TRAPPC9: variants seen among roughly 807,000 people sequenced by gnomAD.
TRAPPC9 encodes IKK2 binding protein.
A neutral mutation model predicts 124.0 loss-of-function variants in TRAPPC9; 83 were observed. That is an observed-to-expected ratio of 0.67 (90% CI 0.56 to 0.80). The LOEUF is 0.80. Among genes scored for constraint, TRAPPC9 ranks in the 30% least tolerant of loss-of-function variants. TRAPPC9 has a pLI of 0.00. For missense variants in TRAPPC9, 1,302 were observed against 1,508.3 expected (o/e 0.86, Z 2.27); for synonymous variants, 638 against 617.5 (o/e 1.03, Z -0.49).
intron 20 of TRAPPC9, among the ~76,000 whole-genome samples, chr8:139,903,505 A>C (rs1831148340): frequency 6.6e-6 from 1 of 152,132 alleles, no homozygotes; most frequent in South Asian, 2.1e-4. Flanking sequence ...GGTGATTTGC[A>C]ACAAAAACAA....
intron 17 of TRAPPC9, among the ~76,000 whole-genome samples, chr8:140,167,763 A>G (rs1422670991): frequency 6.6e-6 from 1 of 152,236 alleles, no homozygotes; most frequent in African/African-American, 2.4e-5. Context: ...TCATTTCTAA[A>G]GCAAAAGGCC....
At chr8:140,171,395 A>C (rs1175343682) in intron 17 of TRAPPC9, among the ~76,000 whole-genome samples, 1 of 152,234 alleles carries the variant, frequency 6.6e-6, no homozygotes, top group Admixed American at 6.5e-5. Context: ...GAAAATATTA[A>C]AATTTTACTG....
At chr8:139,768,186 T>C (rs1423722835) in intron 21 of TRAPPC9, among the ~76,000 whole-genome samples, 1 of 152,250 alleles carries the variant, frequency 6.6e-6, no homozygotes, top group Admixed American at 6.5e-5. Context: ...ACATGTAGAT[T>C]TGGCATGGAA....
intron 18 of TRAPPC9, among the ~76,000 whole-genome samples, chr8:139,998,989 A>G (rs556969682): frequency 2.0e-5 from 3 of 152,328 alleles, no homozygotes; most frequent in South Asian, 4.1e-4. Flanking sequence ...AAAGAGATAA[A>G]GTTAAAAGCT....
chr8:140,038,637 C>T (rs1222352156), intron 17 of TRAPPC9, among the ~76,000 whole-genome samples: 2 of 152,160 alleles, frequency 1.3e-5, no homozygotes, highest in East Asian at 1.9e-4. Context: ...CAGAGGGAGG[C>T]GGCCTCTCCT....
intron 9 of TRAPPC9, among the ~76,000 whole-genome samples, chr8:140,349,272 G>A (rs1248805947): frequency 0.016 from 1,410 of 89,570 alleles, 15 homozygotes; most frequent in Non-Finnish European, 0.023. Context: ...GGGCCGATGG[G>A]GGCGCACGAA....
intron 17 of TRAPPC9, among the ~76,000 whole-genome samples, chr8:140,132,365 C>A (rs2061224162): frequency 6.6e-6 from 1 of 152,220 alleles, no homozygotes; most frequent in African/African-American, 2.4e-5. Context: ...ACCCACGGGT[C>A]TTTTTATTTG....
chr8:140,184,486 A>G (rs2062306221), intron 17 of TRAPPC9, among the ~76,000 whole-genome samples: 1 of 151,988 alleles, frequency 6.6e-6, no homozygotes, highest in Admixed American at 6.6e-5. Context: ...CCCAGGCTGG[A>G]GTGCAGTGCC....
intron 15 of TRAPPC9, chr8:140,262,644 G>A (rs2064463535): frequency 6.6e-6 from 1 of 152,164 alleles, no homozygotes; most frequent in Non-Finnish European, 1.5e-5. Context: ...AATACAGGAT[G>A]TGCAGTCGGA....
chr8:140,033,657 GGTTTTT>G lies in TRAPPC9; in HGVS notation c.2557-9584_2557-9579del, dbSNP rs1840647447. 2.8e-4 allele frequency among the ~76,000 whole-genome samples: 14 copies of G among 49,304 alleles called. 1 individual carries two copies. Among genetic ancestry groups the G allele is most frequent in the East Asian group, 9.5e-4 (1 of 1,050 alleles). 32.3% of individuals were successfully genotyped at this position (49,304 alleles called of 152,430 possible). On this transcript the variant is annotated intron_variant, in intron 17 of 22. Transcript: ENST00000438773. ...ATTGAAATGCAACTCTTCATAATGTGGTTTTTTTTTTTTTTTTTTTTTTTTTTTTTT... is the reference window on the plus strand; with the variant it reads ...ATTGAAATGCAACTCTTCATAATGTGTTTTTTTTTTTTTTTTTTTTTTTTT...
intron 17 of TRAPPC9, among the ~76,000 whole-genome samples, chr8:140,177,731 A>G (rs1356114181): frequency 6.6e-6 from 1 of 152,084 alleles, no homozygotes; most frequent in African/African-American, 2.4e-5. Context: ...ATAGCCATGT[A>G]TATCTTTCAG....
At position 140,370,847 on chromosome 8, in the gene TRAPPC9, T is replaced by G. The variant is rs1335987473; in HGVS notation, c.1351+117A>C. The G allele has an allele frequency of 1.7e-5, 19 of 1,138,366 alleles. No homozygotes were observed. The Admixed American group carries it at 3.4e-4, about 21-fold the overall frequency. The allele number at this position is 1,138,366 out of a possible 1,614,324, so 70.5% of individuals were successfully genotyped here. ...ACCCAACTCCAGGGCAGGGATCTAG[T>G]CATTCTGGAGCCACCAGCACCAACC... On this transcript the variant is annotated intron_variant, in intron 8 of 22. Transcript: ENST00000438773.
At chr8:140,111,499 G>A (rs142601214) in intron 17 of TRAPPC9, among the ~76,000 whole-genome samples, 242 of 152,256 alleles carry the variant, frequency 1.6e-3, no homozygotes, top group African/African-American at 5.6e-3. Flanking sequence ...CCCACTCCCA[G>A]CCCCTTCCCT....
intron 16 of TRAPPC9, among the ~76,000 whole-genome samples, chr8:140,224,923 C>T (rs1217737024): frequency 6.6e-6 from 1 of 152,122 alleles, no homozygotes; most frequent in Non-Finnish European, 1.5e-5. Context: ...TCAGAGGGGT[C>T]GGGGCTGAGG....
At chr8:140,360,760 G>T (rs1480969599) in intron 8 of TRAPPC9, among the ~76,000 whole-genome samples, 1 of 152,132 alleles carries the variant, frequency 6.6e-6, no homozygotes, top group Admixed American at 6.5e-5. Flanking sequence ...AAGAGATGAG[G>T]TCTTTCTCTG....
intron 17 of TRAPPC9, among the ~76,000 whole-genome samples, chr8:140,203,339 G>A (rs1383949969): frequency 6.6e-6 from 1 of 152,230 alleles, no homozygotes; most frequent in Non-Finnish European, 1.5e-5. Context: ...CTGGGCAGGA[G>A]GAATGTGAAA....
At chr8:139,949,154 C>T (rs969360639) in intron 19 of TRAPPC9, among the ~76,000 whole-genome samples, 4 of 151,544 alleles carry the variant, frequency 2.6e-5, no homozygotes, top group African/African-American at 9.7e-5. Context: ...GAAAAAAAAC[C>T]AAAGACACAA....
intron 21 of TRAPPC9, among the ~76,000 whole-genome samples, chr8:139,786,176 C>A (rs1368639135): frequency 1.3e-5 from 2 of 152,174 alleles, no homozygotes; most frequent in Non-Finnish European, 2.9e-5. Context: ...CCACCGCACT[C>A]CAGCCTGGGT....
intron 21 of TRAPPC9, among the ~76,000 whole-genome samples, chr8:139,801,567 G>A (rs1823530707): frequency 6.6e-6 from 1 of 152,182 alleles, no homozygotes; most frequent in Non-Finnish European, 1.5e-5. Context: ...CAGTGAAAAT[G>A]CCAGGAGCTG....
Sources: gnomAD v4.1 joint callset for allele counts (sites outside exome capture counted in the v4.1 genomes callset) on GRCh38, gnomAD v4.1.1 for gene constraint, MANE v1.5 for transcripts, NCBI Gene and HGNC (gene_info 2026-07-23, HGNC 2026-07-21) for gene names.